Variants in MARCHF8 observed in about 807,000 individuals in gnomAD.
MARCHF8 encodes the protein membrane associated ring-CH-type finger 8.
In MARCHF8, 40 loss-of-function variants were observed where a neutral mutation model predicts 51.6. The observed-to-expected ratio is 0.77, with a 90% CI of 0.60 to 1.01. MARCHF8 has a LOEUF of 1.01. MARCHF8 is among the 50% of genes least tolerant of loss of function. The pLI is 0.00. For missense variants in MARCHF8, 685 were observed against 708.6 expected (o/e 0.97, Z 0.38); for synonymous variants, 263 against 280.3 (o/e 0.94, Z 0.62).
intron 2 of MARCHF8, among the ~76,000 whole-genome samples, chr10:45,507,040 G>C (rs557788302): frequency 9.8e-5 from 15 of 152,306 alleles, no homozygotes; most frequent in African/African-American, 3.1e-4. Context: ...AGTTGTGTTA[G>C]CTCTGGATGT....
chr10:45,511,664 C>T (rs1322179976), intron 2 of MARCHF8, among the ~76,000 whole-genome samples: 1 of 152,242 alleles, frequency 6.6e-6, no homozygotes, highest in Non-Finnish European at 1.5e-5. Context: ...CCAGCCTCGG[C>T]CTCCCGAGGT....
intron 1 of MARCHF8, among the ~76,000 whole-genome samples, chr10:45,586,142 T>C (rs934225402): frequency 6.6e-6 from 1 of 152,132 alleles, no homozygotes; most frequent in African/African-American, 2.4e-5. Context: ...AGTGTATACG[T>C]AGTATAACCA....
chr10:45,508,554 G>A (rs1184801287), intron 2 of MARCHF8, among the ~76,000 whole-genome samples: 1 of 152,104 alleles, frequency 6.6e-6, no homozygotes, highest in Non-Finnish European at 1.5e-5. Context: ...AAATGTGAAT[G>A]CAGCATCTTC....
At chr10:45,541,231 T>C (rs1416128315) in intron 1 of MARCHF8, among the ~76,000 whole-genome samples, 1 of 152,200 alleles carries the variant, frequency 6.6e-6, no homozygotes, top group African/African-American at 2.4e-5. Flanking sequence ...CATGGAATAC[T>C]ATGCAGCCAT....
intron 1 of MARCHF8, among the ~76,000 whole-genome samples, chr10:45,544,877 A>C (rs2133319272): frequency 6.6e-6 from 1 of 152,284 alleles, no homozygotes; most frequent in South Asian, 2.1e-4. Flanking sequence ...TACAGCTTAC[A>C]AGGCCCTATG....
intron 2 of MARCHF8, among the ~76,000 whole-genome samples, chr10:45,496,270 T>C (rs1388759696): frequency 2.0e-5 from 3 of 152,182 alleles, no homozygotes; most frequent in Non-Finnish European, 4.4e-5. Flanking sequence ...TTTGCATATA[T>C]ATTTTCCTTT....
At chr10:45,489,661 T>C (rs1470385319) in intron 2 of MARCHF8, among the ~76,000 whole-genome samples, 1 of 152,182 alleles carries the variant, frequency 6.6e-6, no homozygotes, top group Non-Finnish European at 1.5e-5. Context: ...AATTTTTTAT[T>C]ATCAGGAAAA....
chr10:45,548,880 A>C (rs2044160420), intron 1 of MARCHF8, among the ~76,000 whole-genome samples: 1 of 151,898 alleles, frequency 6.6e-6, no homozygotes, highest in African/African-American at 2.4e-5. Context: ...CTGTAATCCC[A>C]GCTACTCAGG....
chr10:45,473,585 A>G (rs917003631), intron 3 of MARCHF8, among the ~76,000 whole-genome samples: 5 of 151,884 alleles, frequency 3.3e-5, no homozygotes, highest in African/African-American at 1.2e-4. Context: ...TTGCACCACA[A>G]TCTTCCTCTG....
chr10:45,555,318 GGAGGGTAAGGAGA>G (rs72464817), intron 1 of MARCHF8, among the ~76,000 whole-genome samples: 1,916 of 152,234 alleles, frequency 0.013, 46 homozygotes, highest in African/African-American at 0.044. Context: ...CAGCTACCTG[GGAGGGTAAGGAGA>G]GAGGATCACT....
At chr10:45,551,953 C>CA (rs1200514193) in intron 1 of MARCHF8, among the ~76,000 whole-genome samples, 3 of 152,052 alleles carry the variant, frequency 2.0e-5, no homozygotes, top group Non-Finnish European at 4.4e-5. Flanking sequence ...TTGCAGGGTA[C>CA]AAAGCCTGGC....
At chr10:45,556,583 G>A (rs904469939) in intron 1 of MARCHF8, among the ~76,000 whole-genome samples, 2 of 152,156 alleles carry the variant, frequency 1.3e-5, no homozygotes, top group African/African-American at 4.8e-5. Flanking sequence ...CTGTATGTCT[G>A]TATGCTTTAA....
At chr10:45,470,086 T>C (rs1380760877) in intron 3 of MARCHF8, among the ~76,000 whole-genome samples, 3 of 152,188 alleles carry the variant, frequency 2.0e-5, no homozygotes, top group African/African-American at 7.2e-5. Flanking sequence ...AAGGTTTTCC[T>C]CTACATGGAA....
rs189860507 is a variant in MARCHF8 at position 45,482,496 on chromosome 10, G to C, written c.153+6871C>G. ...AGGCCAGGAGTGGTGGCTCACACCTGTAATCCCAGCACTTTGGGAGGCCAA... is the reference window on the plus strand; with the variant it reads ...AGGCCAGGAGTGGTGGCTCACACCTCTAATCCCAGCACTTTGGGAGGCCAA... On this transcript the variant is annotated intron_variant, in intron 3 of 7. Transcript: ENST00000453424. Among the ~76,000 whole-genome samples the C allele has an allele frequency of 4.4e-3, 668 of 152,328 alleles. 3 individuals carry two copies. The highest frequency in any genetic ancestry group is 0.015 in the African/African-American group (637 of 41,584).
chr10:45,462,998 T>C (rs1842842319), intron 5 of MARCHF8, among the ~76,000 whole-genome samples, 153 bp downstream of exon 5: 1 of 152,252 alleles, frequency 6.6e-6, no homozygotes, highest in Non-Finnish European at 1.5e-5. Flanking sequence ...TTTCAAACGA[T>C]ATTGATACTC....
intron 3 of MARCHF8, among the ~76,000 whole-genome samples, chr10:45,474,588 G>T (rs2042753117): frequency 6.6e-6 from 1 of 152,172 alleles, no homozygotes; most frequent in African/African-American, 2.4e-5. Flanking sequence ...ACATTAAAAA[G>T]TTAACCAATC....
chr10:45,564,401 CT>C (rs1293468879), intron 1 of MARCHF8, among the ~76,000 whole-genome samples: 1 of 152,086 alleles, frequency 6.6e-6, no homozygotes, highest in African/African-American at 2.4e-5. Flanking sequence ...AGTCACTGAA[CT>C]GGAAAACAAA....
chr10:45,535,287 G>GTCC lies in MARCHF8; in HGVS notation c.-158_-156dup, dbSNP rs2043956107. On this transcript the variant is annotated 5_prime_UTR_variant, in exon 1 of 8. Transcript: ENST00000453424. ...GTTTTTTCATCACTAATGCACTAAC[G>GTCC]TCCTCTATTACAGATGACAAACTCC... 3 of 152,178 alleles carry GTCC rather than the reference G, an allele frequency of 2.0e-5. No individual in the cohort carries two copies. Among genetic ancestry groups the GTCC allele is most frequent in the African/African-American group, 7.2e-5 (3 of 41,418 alleles). The allele number at this position is 152,178 out of a possible 1,614,324, so 9.4% of individuals were successfully genotyped here.
At chr10:45,548,112 C>T (rs886706360) in intron 1 of MARCHF8, among the ~76,000 whole-genome samples, 12 of 152,090 alleles carry the variant, frequency 7.9e-5, no homozygotes, top group Non-Finnish European at 1.6e-4. Flanking sequence ...AAGCCAAGAG[C>T]GGCAGAATGG....
Sources: gnomAD v4.1 joint callset for allele counts (sites outside exome capture counted in the v4.1 genomes callset) on GRCh38, gnomAD v4.1.1 for gene constraint, MANE v1.5 for transcripts, NCBI Gene and HGNC (gene_info 2026-07-23, HGNC 2026-07-21) for gene names.